Variants in ADGRL3 observed in about 807,000 individuals in gnomAD.
The protein encoded by ADGRL3 is calcium-independent alpha-latrotoxin receptor 3.
A neutral mutation model predicts 153.5 loss-of-function variants in ADGRL3; 62 were observed. The observed-to-expected ratio is 0.40, with a 90% CI of 0.33 to 0.50. The LOEUF (loss-of-function observed/expected upper bound fraction) is 0.50. Ranked by LOEUF, ADGRL3 falls within the 20% of genes least tolerant of loss-of-function variation. The pLI is 0.47. For synonymous variants in ADGRL3, 710 were observed against 672.5 expected (o/e 1.06, Z -0.86); for missense variants, 1,641 against 1,859.4 (o/e 0.88, Z 2.16).
At chr4:61,795,386 AT>A (rs1240206790) in intron 8 of ADGRL3, among the ~76,000 whole-genome samples, 2 of 152,182 alleles carry the variant, frequency 1.3e-5, no homozygotes, top group African/African-American at 4.8e-5. Flanking sequence ...GAGGGCTGGA[AT>A]TACAGGTGTG....
intron 4 of ADGRL3, among the ~76,000 whole-genome samples, chr4:61,575,304 A>G (rs958629161): frequency 6.6e-6 from 1 of 152,014 alleles, no homozygotes; most frequent in Non-Finnish European, 1.5e-5. Context: ...AACATAGAGA[A>G]CAGATGCTTT....
At chr4:61,612,006 T>C (rs1306471614) in intron 5 of ADGRL3, among the ~76,000 whole-genome samples, 1 of 152,128 alleles carries the variant, frequency 6.6e-6, no homozygotes, top group Non-Finnish European at 1.5e-5. Flanking sequence ...CATTTCTTGT[T>C]CACTCAGGGT....
chr4:61,981,829 A>G (rs1396165371), intron 18 of ADGRL3, among the ~76,000 whole-genome samples: 1 of 152,166 alleles, frequency 6.6e-6, no homozygotes, highest in Non-Finnish European at 1.5e-5. Context: ...GCTTTACAAT[A>G]AAAATGCAGT....
chr4:61,594,707 G>C (rs188224035), intron 5 of ADGRL3, among the ~76,000 whole-genome samples: 22 of 152,262 alleles, frequency 1.4e-4, no homozygotes, highest in Middle Eastern at 3.4e-3. Context: ...TGCTGGGTCA[G>C]ACCTGAAGCC....
intron 17 of ADGRL3, among the ~76,000 whole-genome samples, chr4:61,948,718 A>G (rs1438055563): frequency 1.3e-5 from 2 of 152,172 alleles, no homozygotes; most frequent in Non-Finnish European, 1.5e-5. Flanking sequence ...AGAGCATGGT[A>G]GTGCAAAGGA....
intron 11 of ADGRL3, among the ~76,000 whole-genome samples, chr4:61,900,185 T>C (rs1287943581): frequency 6.6e-6 from 1 of 152,194 alleles, no homozygotes; most frequent in East Asian, 1.9e-4. Context: ...TCACTGTATG[T>C]CACCACCATT....
chr4:61,311,533 C>T (rs2095008754), intron 1 of ADGRL3, among the ~76,000 whole-genome samples: 1 of 152,190 alleles, frequency 6.6e-6, no homozygotes, highest in Non-Finnish European at 1.5e-5. Flanking sequence ...CTCCTATGAA[C>T]TCACATAATA....
At position 61,370,470 on chromosome 4, in the gene ADGRL3, C is replaced by T. The variant is rs1027209368; in HGVS notation, c.-239-12654C>T. Among the ~76,000 whole-genome samples the T allele has an allele frequency of 1.4e-3, 207 of 151,850 alleles. 2 individuals are homozygous for T. Among genetic ancestry groups the T allele is most frequent in the Non-Finnish European group, 2.4e-3 (164 of 67,930 alleles). ...GTTTGAAAGAACATCTTTATTTCTG[C>T]CTTCATTTCGTTATGTACCCAGTAG... On this transcript the variant is annotated intron_variant, in intron 1 of 26. Coordinates refer to ENST00000683033, the MANE Select transcript of ADGRL3 (RefSeq NM_001387552.1).
At chr4:61,322,395 G>A (rs924639010) in intron 1 of ADGRL3, among the ~76,000 whole-genome samples, 1 of 152,136 alleles carries the variant, frequency 6.6e-6, no homozygotes, top group Admixed American at 6.6e-5. Flanking sequence ...GCCTTTCCAA[G>A]AGTCACCTAA....
chr4:61,384,809 A>G (rs982783716), intron 2 of ADGRL3, among the ~76,000 whole-genome samples: 1 of 152,018 alleles, frequency 6.6e-6, no homozygotes, highest in African/African-American at 2.4e-5. Context: ...ACATTATACT[A>G]ACTGAAAAAG....
chr4:61,623,269 C>T (rs374705386), intron 5 of ADGRL3, among the ~76,000 whole-genome samples: 1 of 152,184 alleles, frequency 6.6e-6, no homozygotes, highest in South Asian at 2.1e-4. Flanking sequence ...TAACCGTACA[C>T]ACTGTCCTGA....
intron 4 of ADGRL3, among the ~76,000 whole-genome samples, chr4:61,564,195 G>A (rs1014712727): frequency 2.6e-5 from 4 of 151,826 alleles, no homozygotes; most frequent in African/African-American, 4.8e-5. Flanking sequence ...TATCCAGACC[G>A]TTGAAACTTT....
At chr4:61,364,893 G>C (rs1560523274) in intron 1 of ADGRL3, among the ~76,000 whole-genome samples, 1 of 152,102 alleles carries the variant, frequency 6.6e-6, no homozygotes, top group Non-Finnish European at 1.5e-5. Context: ...AATGACTGTG[G>C]TATGATATTT....
At chr4:61,346,281 C>G (rs113199175) in intron 1 of ADGRL3, among the ~76,000 whole-genome samples, 3 of 145,458 alleles carry the variant, frequency 2.1e-5, no homozygotes, top group African/African-American at 5.3e-5. Context: ...CCCACGCTCT[C>G]TCTCTCTGTC....
chr4:61,646,736 C>A (rs1056506316), intron 5 of ADGRL3, among the ~76,000 whole-genome samples: 2 of 152,146 alleles, frequency 1.3e-5, no homozygotes, highest in African/African-American at 4.8e-5. Flanking sequence ...TTTTGTTTGT[C>A]TGTGCCCTGC....
chr4:61,758,336 A>G (rs2096864752), intron 8 of ADGRL3, among the ~76,000 whole-genome samples: 1 of 152,138 alleles, frequency 6.6e-6, no homozygotes, highest in Non-Finnish European at 1.5e-5. Context: ...TAGGTCTCTA[A>G]GGACTTGCTT....
intron 9 of ADGRL3, among the ~76,000 whole-genome samples, chr4:61,816,123 T>A (rs1484668315): frequency 6.6e-6 from 1 of 152,170 alleles, no homozygotes; most frequent in Non-Finnish European, 1.5e-5. Flanking sequence ...CTAATGTGAG[T>A]TGGTGACTTC....
chr4:61,686,943 G>T (rs915399685), intron 6 of ADGRL3, among the ~76,000 whole-genome samples: 1 of 151,786 alleles, frequency 6.6e-6, no homozygotes, highest in Non-Finnish European at 1.5e-5. Context: ...TGTCCTCCAG[G>T]TTCATCCATA....
At chr4:61,674,390 T>C (rs1310853668) in intron 5 of ADGRL3, among the ~76,000 whole-genome samples, 1 of 151,706 alleles carries the variant, frequency 6.6e-6, no homozygotes, top group African/African-American at 2.4e-5. Flanking sequence ...ATAAAATATT[T>C]ACAGTTGCCT....
Sources: allele counts gnomAD v4.1 joint callset (sites outside exome capture counted in the v4.1 genomes callset), GRCh38; gene constraint gnomAD v4.1.1; transcripts MANE v1.5; gene names NCBI Gene and HGNC (gene_info 2026-07-23, HGNC 2026-07-21).